The following GTF2E1 variants were observed in gnomAD, a reference collection of about 807,000 sequenced individuals.
GTF2E1 encodes TFIIE alpha subunit.
In GTF2E1, 14 loss-of-function variants were observed where a neutral mutation model predicts 34.9. That is an observed-to-expected ratio of 0.40 (90% CI 0.27 to 0.63). GTF2E1 has a LOEUF of 0.63. Among genes scored for constraint, GTF2E1 ranks in the 20% least tolerant of loss-of-function variants. The pLI is 0.39. For missense variants in GTF2E1, 469 were observed against 557.7 expected (o/e 0.84, Z 1.60); for synonymous variants, 188 against 192.9 (o/e 0.97, Z 0.21).
chr3:120,748,940 G>A (rs1709137519), intron 1 of GTF2E1, among the ~76,000 whole-genome samples: 1 of 152,216 alleles, frequency 6.6e-6, no homozygotes, highest in Admixed American at 6.5e-5. Flanking sequence ...GCAGTGGTTT[G>A]TAGTTGTCCT....
chr3:120,771,480 C>T (rs534675167), intron 3 of GTF2E1, among the ~76,000 whole-genome samples: 5 of 152,114 alleles, frequency 3.3e-5, no homozygotes, highest in African/African-American at 1.2e-4. Context: ...TTAGTTTTGC[C>T]ATGCCAGAAA....
At chr3:120,752,166 A>G (rs1161459320) in intron 2 of GTF2E1, among the ~76,000 whole-genome samples, 1 of 152,228 alleles carries the variant, frequency 6.6e-6, no homozygotes, top group Non-Finnish European at 1.5e-5. Flanking sequence ...TGTATTAAAC[A>G]TTTAATTTGT....
chr3:120,765,667 T>G (rs553624567), intron 2 of GTF2E1, among the ~76,000 whole-genome samples: 1 of 152,362 alleles, frequency 6.6e-6, no homozygotes, highest in Admixed American at 6.5e-5. Flanking sequence ...TTAACGCCTC[T>G]TAAGCGTTCA....
rs1709270198 is a variant in GTF2E1 at position 120,762,181 on chromosome 3, G to A, written c.449-8547G>A. Among the ~76,000 whole-genome samples the A allele has an allele frequency of 2.0e-5, 3 of 152,174 alleles. No homozygotes were observed. In the South Asian group the frequency reaches 6.2e-4, roughly 32 times the overall value. On this transcript the variant is annotated intron_variant, in intron 2 of 4. Transcript: ENST00000283875. ...ATTGTGATGTGGTTCTGAGAAGAATGTATATTCTGTTGATTTGGGATGTAG... is the reference window on the plus strand; with the variant it reads ...ATTGTGATGTGGTTCTGAGAAGAATATATATTCTGTTGATTTGGGATGTAG...
intron 1 of GTF2E1, among the ~76,000 whole-genome samples, chr3:120,745,202 C>G (rs1361564481): frequency 6.6e-6 from 1 of 152,196 alleles, no homozygotes. Context: ...GTAGCCACTG[C>G]ACTTGGCTTA....
rs986746741 is a variant in GTF2E1, at chr3:120,782,624, C to T, written c.*1154C>T. The T allele has an allele frequency of 6.6e-6, 1 of 152,168 alleles. No homozygotes were observed. The highest frequency in any genetic ancestry group is 6.5e-5 in the Admixed American group (1 of 15,282). The allele number at this position is 152,168 out of a possible 1,614,324, so 9.4% of individuals were successfully genotyped here. The stretch of plus-strand genomic sequence containing the variant: ...TGGTTTTGTTCCCTTTGGGTACAGA[C>T]CTCTTGTCAGTGCTATAAATTGTTT... On this transcript the variant is annotated 3_prime_UTR_variant, in exon 5 of 5. Coordinates refer to ENST00000283875, the MANE Select transcript of GTF2E1 (RefSeq NM_005513.3).
intron 4 of GTF2E1, among the ~76,000 whole-genome samples, chr3:120,778,897 G>C (rs1300685570): frequency 6.6e-6 from 1 of 152,110 alleles, no homozygotes; most frequent in South Asian, 2.1e-4. Flanking sequence ...AATAGAAATA[G>C]ATCTGCTACT....
chr3:120,780,468 G>A (rs984330095), intron 4 of GTF2E1, among the ~76,000 whole-genome samples: 3 of 152,174 alleles, frequency 2.0e-5, no homozygotes, highest in African/African-American at 7.2e-5. Context: ...GTAGGAGTGT[G>A]TCTGATATGT....
chr3:120,748,025 T>C (rs376951279), intron 1 of GTF2E1, among the ~76,000 whole-genome samples: 3,233 of 151,590 alleles, frequency 0.021, 54 homozygotes, highest in Middle Eastern at 0.054. Flanking sequence ...TTTTCATGTG[T>C]TTTTTGGCTG....
At chr3:120,762,561 A>G (rs778004067) in intron 2 of GTF2E1, among the ~76,000 whole-genome samples, 6 of 152,192 alleles carry the variant, frequency 3.9e-5, no homozygotes, top group African/African-American at 7.2e-5. Flanking sequence ...TTTTCATAAT[A>G]TTGTATAGTT....
chr3:120,781,359 C>A lies in GTF2E1; in HGVS notation c.1209C>A (p.Phe403Leu). The A allele has an allele frequency of 6.2e-7, 1 of 1,614,068 alleles. No homozygotes were observed. Among genetic ancestry groups the A allele is most frequent in the East Asian group, 2.2e-5 (1 of 44,868 alleles). The change falls in exon 5 of 5, where the codon TTC becomes TTA. Residue 403 changes from phenylalanine to leucine, a missense_variant. Physicochemically the swap from Phe to Leu is conservative, Grantham distance 22 (BLOSUM62 0). Coordinates refer to ENST00000283875, the MANE Select transcript of GTF2E1 (RefSeq NM_005513.3). ...TTGTCATGGTGGCTGGCCGTCCGTT[C>A]TCCTACAGTGAAGTGAGCCAACGGC... is the stretch of plus-strand genomic sequence containing the variant. ...DPIVMVAGRP[F>L]SYSEVSQRPE...
At chr3:120,748,382 A>G (rs1449549444) in intron 1 of GTF2E1, among the ~76,000 whole-genome samples, 6 of 152,126 alleles carry the variant, frequency 3.9e-5, no homozygotes, top group African/African-American at 1.4e-4. Flanking sequence ...TTATGGTTTT[A>G]GGTCTAACAT....
chr3:120,761,522 A>G (rs984747513), intron 2 of GTF2E1, among the ~76,000 whole-genome samples: 2 of 152,138 alleles, frequency 1.3e-5, no homozygotes, highest in Admixed American at 6.5e-5. Context: ...TAGGGCATCA[A>G]TTTTAGATCT....
intron 2 of GTF2E1, among the ~76,000 whole-genome samples, chr3:120,765,594 A>C (rs1709300565): frequency 6.6e-6 from 1 of 152,242 alleles, no homozygotes; most frequent in South Asian, 2.1e-4. Flanking sequence ...CTTTTGAGAC[A>C]GAAAGATTTG....
intron 4 of GTF2E1, among the ~76,000 whole-genome samples, chr3:120,778,131 C>T (rs190499504): frequency 5.0e-4 from 76 of 152,284 alleles, no homozygotes; most frequent in South Asian, 1.7e-3. Context: ...GTTCTTAAAG[C>T]AGCCTTCTTT....
At chr3:120,742,818 G>C in intron 1 of GTF2E1, 24 bp downstream of exon 1, 1 of 418,834 alleles carries the variant, frequency 2.4e-6, no homozygotes, top group Non-Finnish European at 4.4e-6. Flanking sequence ...CCTGTTCCTT[G>C]TTCGGAGTTC....
chr3:120,743,846 G>A (rs768856444), intron 1 of GTF2E1, among the ~76,000 whole-genome samples: 72 of 152,296 alleles, frequency 4.7e-4, no homozygotes, highest in Non-Finnish European at 8.5e-4. Context: ...GGCAGAGGGT[G>A]CCTTCTTTTC....
intron 2 of GTF2E1, among the ~76,000 whole-genome samples, chr3:120,766,470 A>T (rs552447710): frequency 6.6e-6 from 1 of 152,192 alleles, no homozygotes; most frequent in South Asian, 2.1e-4. Flanking sequence ...TCTGTTTTTT[A>T]TCATTCTTTT....
chr3:120,745,687 GGT>G (rs1394541965), intron 1 of GTF2E1, among the ~76,000 whole-genome samples: 1 of 152,212 alleles, frequency 6.6e-6, no homozygotes, highest in African/African-American at 2.4e-5. Context: ...CCTGGAAACA[GGT>G]TATGTTGACA....
Sources: allele counts gnomAD v4.1 joint callset (sites outside exome capture counted in the v4.1 genomes callset), GRCh38; gene constraint gnomAD v4.1.1; transcripts MANE v1.5; gene names NCBI Gene and HGNC (gene_info 2026-07-23, HGNC 2026-07-21).